FAM53B: variants seen among roughly 807,000 people sequenced by gnomAD.
FAM53B encodes the protein family with sequence similarity 53 member B.
Under a neutral mutation model 32.7 loss-of-function variants are expected in FAM53B, and 12 were observed. The ratio of observed to expected loss-of-function variants is 0.37; its 90% CI spans 0.24 to 0.59. The LOEUF (loss-of-function observed/expected upper bound fraction) is 0.59, where lower values mean the gene tolerates loss of function less well. Among genes scored for constraint, FAM53B ranks in the 20% least tolerant of loss-of-function variants. The pLI, the probability that FAM53B is intolerant of heterozygous loss-of-function variation, is 0.72. For missense variants in FAM53B, 477 were observed against 577.7 expected (o/e 0.83, Z 1.79); for synonymous variants, 234 against 228.7 (o/e 1.02, Z -0.21).
chr10:124,722,014 A>G (rs1374869550), intron 1 of FAM53B, among the ~76,000 whole-genome samples: 5 of 152,204 alleles, frequency 3.3e-5, no homozygotes, highest in African/African-American at 4.8e-5. Context: ...AGCAGAACAG[A>G]GGAGACTAGA....
intron 1 of FAM53B, among the ~76,000 whole-genome samples, chr10:124,729,417 G>A (rs950616814): frequency 6.6e-6 from 1 of 152,108 alleles, no homozygotes; most frequent in Non-Finnish European, 1.5e-5. Flanking sequence ...TTCCACGTAC[G>A]ACCTCTTAAA....
chr10:124,644,099 G>A (rs1352840980), intron 4 of FAM53B, among the ~76,000 whole-genome samples: 1 of 152,162 alleles, frequency 6.6e-6, no homozygotes, highest in African/African-American at 2.4e-5. Context: ...CACCTGGTGG[G>A]CCACAAGCCA....
Position 124,706,689 on chromosome 10 carries a change from G to GGGACCATCA in FAM53B, c.24_25insTGATGGTCC (p.Ser8_Leu9insTer). Reference sequence around the variant, plus strand: ...ATGGAGTCAGCTCCCCGGGTGCTGAGGCTTTCACTTAGGACCATCACCATG... The same window carrying GGGACCATCA: ...ATGGAGTCAGCTCCCCGGGTGCTGAGGGACCATCAGCTTTCACTTAGGACCATCACCATG... On this transcript the variant is annotated stop_gained and inframe_insertion, in exon 2 of 5. Coordinates refer to ENST00000337318, the MANE Select transcript of FAM53B (RefSeq NM_014661.4). LOFTEE classifies it high-confidence loss of function. The GGGACCATCA allele has an allele frequency of 6.2e-7, 1 of 1,614,180 alleles. No homozygotes were observed.
intron 4 of FAM53B, among the ~76,000 whole-genome samples, chr10:124,638,899 C>T (rs909440155): frequency 6.6e-6 from 1 of 152,156 alleles, no homozygotes; most frequent in African/African-American, 2.4e-5. Context: ...CCACCTGCAG[C>T]GCCAGAAGTG....
In FAM53B at chr10:124,648,278, T is replaced by C. The variant is rs559799258; in HGVS notation, c.907-24674A>G. Among the ~76,000 whole-genome samples the C allele has an allele frequency of 1.2e-4, 18 of 152,312 alleles. No individual in the cohort carries two copies. In the South Asian group the frequency reaches 3.5e-3, roughly 30 times the overall value. The stretch of plus-strand genomic sequence containing the variant: ...CTGGGCACGGCAGAGGGCCAAGCCT[T>C]GGGCAGGAAACCTCCAGGATGGAGA... On this transcript the variant is annotated intron_variant, in intron 4 of 4. Coordinates refer to ENST00000337318, the MANE Select transcript of FAM53B (RefSeq NM_014661.4).
At chr10:124,634,452 G>A (rs1313166580) in intron 4 of FAM53B, among the ~76,000 whole-genome samples, 1 of 152,200 alleles carries the variant, frequency 6.6e-6, no homozygotes, top group Non-Finnish European at 1.5e-5. Flanking sequence ...GCAGTGGAAG[G>A]TAACTGAATC....
At chr10:124,706,461 C>T (rs1473826221) in intron 2 of FAM53B, among the ~76,000 whole-genome samples, 175 bp downstream of exon 2, 2 of 152,348 alleles carry the variant, frequency 1.3e-5, no homozygotes, top group East Asian at 1.9e-4. Flanking sequence ...CCAGCAAGTT[C>T]TCAGTCAAGC....
chr10:124,626,841 T>C (rs17623606), intron 4 of FAM53B, among the ~76,000 whole-genome samples: 16,433 of 152,256 alleles, frequency 0.11, 1,202 homozygotes, highest in Non-Finnish European at 0.17. Context: ...CACATGGGCA[T>C]CACGGCGCCA....
intron 4 of FAM53B, among the ~76,000 whole-genome samples, chr10:124,668,242 C>T (rs954927954): frequency 2.6e-5 from 4 of 152,258 alleles, no homozygotes; most frequent in Non-Finnish European, 5.9e-5. Flanking sequence ...CCAACATCTG[C>T]GGAAATGCTC....
At chr10:124,741,306 G>C (rs10901813) in intron 1 of FAM53B, among the ~76,000 whole-genome samples, 2 of 152,140 alleles carry the variant, frequency 1.3e-5, no homozygotes, top group South Asian at 4.1e-4. Context: ...AAGAACAGAA[G>C]AGTTTTCCAT....
chr10:124,631,697 C>T lies in FAM53B; in HGVS notation c.907-8093G>A, dbSNP rs1294338585. ...CTGGGCCCTCCGCCCTTGCTGCTCC[C>T]ACTCAGGCTCTGACTCCTTCTATAG... On this transcript the variant is annotated intron_variant, in intron 4 of 4. Transcript: ENST00000337318. 2.0e-5 allele frequency among the ~76,000 whole-genome samples: 3 copies of T among 152,180 alleles called. No individual in the cohort carries two copies. The East Asian group carries it at 5.8e-4, about 29-fold the overall frequency.
At chr10:124,628,831 G>A (rs557270951) in intron 4 of FAM53B, among the ~76,000 whole-genome samples, 9 of 152,302 alleles carry the variant, frequency 5.9e-5, no homozygotes, top group East Asian at 1.9e-4. Flanking sequence ...CAAGTCCCAC[G>A]TGCTAGTCAC....
chr10:124,727,163 G>T (rs1950109675), intron 1 of FAM53B, among the ~76,000 whole-genome samples: 1 of 152,092 alleles, frequency 6.6e-6, no homozygotes, highest in Non-Finnish European at 1.5e-5. Context: ...GACCACAGGT[G>T]CATGCCATAA....
At chr10:124,736,399 C>A (rs1950174466) in intron 1 of FAM53B, among the ~76,000 whole-genome samples, 1 of 152,280 alleles carries the variant, frequency 6.6e-6, no homozygotes, top group South Asian at 2.1e-4. Context: ...TCTGGAGACT[C>A]AAAACCACAG....
chr10:124,730,757 GATTTA>G (rs1950137424), intron 1 of FAM53B, among the ~76,000 whole-genome samples: 2 of 152,192 alleles, frequency 1.3e-5, no homozygotes, highest in South Asian at 2.1e-4. Flanking sequence ...GTTTCATTTA[GATTTA>G]ATTTAAATTG....
At chr10:124,657,304 G>A (rs1237244657) in intron 4 of FAM53B, among the ~76,000 whole-genome samples, 2 of 151,870 alleles carry the variant, frequency 1.3e-5, no homozygotes, top group Non-Finnish European at 2.9e-5. Context: ...TTTAACTCAT[G>A]TTTCTTTCCC....
Position 124,681,666 on chromosome 10 carries a change from G to T in FAM53B, c.847C>A (p.Arg283=). 6.2e-7 allele frequency: 1 copy of T among 1,612,320 alleles called. No homozygotes were observed. Among genetic ancestry groups the T allele is most frequent in the African/African-American group, 1.3e-5 (1 of 75,048 alleles). ...TGCTCTTGCACTTCTTCAGGGCGCC[G>T]CCTTTTAACACCGACCTTCTTGTCG... is the stretch of plus-strand genomic sequence containing the variant. The part of the protein sequence containing the change: ...LNDKKVGVKR[R]RPEEVQEQRP... The change falls in exon 4 of 5, where the codon CGG becomes AGG. Residue 283 remains arginine, a synonymous_variant. Coordinates refer to ENST00000337318, the MANE Select transcript of FAM53B (RefSeq NM_014661.4).
chr10:124,645,241 C>G (rs932237495), intron 4 of FAM53B, among the ~76,000 whole-genome samples: 3 of 152,254 alleles, frequency 2.0e-5, no homozygotes, highest in East Asian at 1.9e-4. Flanking sequence ...GACCGCCTAT[C>G]TGCTCTCTCA....
intron 1 of FAM53B, among the ~76,000 whole-genome samples, chr10:124,730,122 AAGT>A (rs1460589745): frequency 6.6e-6 from 1 of 152,238 alleles, no homozygotes; most frequent in African/African-American, 2.4e-5. Flanking sequence ...TGAATGAATG[AAGT>A]AGTTCTTTAT....
Sources: gnomAD v4.1 joint callset for allele counts (sites outside exome capture counted in the v4.1 genomes callset) on GRCh38, gnomAD v4.1.1 for gene constraint, MANE v1.5 for transcripts, NCBI Gene and HGNC (gene_info 2026-07-23, HGNC 2026-07-21) for gene names.